THADA: variants seen among roughly 807,000 people sequenced by gnomAD.
THADA encodes the protein tRNA (32-2'-O)-methyltransferase regulator THADA.
Under a neutral mutation model 219.8 loss-of-function variants are expected in THADA, and 213 were observed. The ratio of observed to expected loss-of-function variants is 0.97; its 90% CI spans 0.87 to 1.09. The LOEUF (loss-of-function observed/expected upper bound fraction) is 1.09, where lower values mean the gene tolerates loss of function less well. Ranked by LOEUF, THADA falls within the 50% of genes least tolerant of loss-of-function variation. The pLI, the probability that THADA is intolerant of heterozygous loss-of-function variation, is 0.00. For synonymous variants in THADA, 1,018 were observed against 828.9 expected (o/e 1.23, Z -3.92); for missense variants, 2,956 against 2,311.3 (o/e 1.28, Z -5.72).
Position 43,248,152 on chromosome 2 carries a change from TATATATATATATAGAGAGAGAGAGAGAG to T in THADA, c.5297-15298_5297-15271del, listed in dbSNP as rs1309717927. Among the ~76,000 whole-genome samples the T allele has an allele frequency of 6.3e-4, 56 of 89,422 alleles. 1 individual carries two copies. Among genetic ancestry groups the T allele is most frequent in the African/African-American group, 2.0e-3 (44 of 21,836 alleles). 58.7% of individuals were successfully genotyped at this position (89,422 alleles called of 152,430 possible). A position where few individuals can be genotyped will look rare whatever the true frequency, so the allele number is the denominator to read the frequency against. On this transcript the variant is annotated intron_variant, in intron 36 of 37. Transcript: ENST00000405975. ...AGAAATATATATATATATATATATATATATATATATATAGAGAGAGAGAGAGAGAGAGAGAGAGAGAGAGAGAGAGAGA... is the reference window on the plus strand; with the variant it reads ...AGAAATATATATATATATATATATATAGAGAGAGAGAGAGAGAGAGAGAGA...
intron 25 of THADA, among the ~76,000 whole-genome samples, chr2:43,492,471 A>G (rs751215858): frequency 2.0e-5 from 3 of 152,202 alleles, no homozygotes; most frequent in African/African-American, 7.2e-5. Context: ...AAATATTTGA[A>G]AAGTATGAAT....
At chr2:43,580,347 C>G (rs950819406) in intron 8 of THADA, among the ~76,000 whole-genome samples, 12 of 151,984 alleles carry the variant, frequency 7.9e-5, no homozygotes, top group African/African-American at 2.9e-4. Context: ...CCGAAGTTAC[C>G]TCATATTAAA....
intron 36 of THADA, among the ~76,000 whole-genome samples, chr2:43,246,346 T>C (rs1314728148): frequency 3.3e-5 from 5 of 151,848 alleles, no homozygotes; most frequent in African/African-American, 1.2e-4. Context: ...AATATAAAAA[T>C]TAGCCGGGCA....
At chr2:43,519,269 A>AC (rs1692116133) in intron 22 of THADA, among the ~76,000 whole-genome samples, 1 of 152,138 alleles carries the variant, frequency 6.6e-6, no homozygotes, top group East Asian at 1.9e-4. Context: ...AGCAATAATC[A>AC]ATAAACTTTT....
chr2:43,287,854 T>C (rs1035301816), intron 34 of THADA, among the ~76,000 whole-genome samples: 3 of 152,192 alleles, frequency 2.0e-5, no homozygotes, highest in Non-Finnish European at 4.4e-5. Context: ...GGGATGACAC[T>C]AGAAGTAGTA....
intron 18 of THADA, 105 bp downstream of exon 18, chr2:43,552,099 C>A: frequency 6.6e-7 from 1 of 1,519,612 alleles, no homozygotes; most frequent in African/African-American, 1.4e-5. Context: ...CAATTTTATT[C>A]AAAGCAATAG....
intron 1 of THADA, chr2:43,595,639 C>G (rs1702069248): frequency 6.6e-6 from 1 of 152,390 alleles, no homozygotes; most frequent in Non-Finnish European, 1.5e-5. Context: ...CTCCTAGGTC[C>G]CACTTACTGC....
At chr2:43,466,946 GC>G (rs1684311711) in intron 26 of THADA, among the ~76,000 whole-genome samples, 1 of 151,280 alleles carries the variant, frequency 6.6e-6, no homozygotes, top group South Asian at 2.1e-4. Flanking sequence ...ACTTTGGGAG[GC>G]CGAGGCGGGC....
intron 28 of THADA, 80 bp from the exon 29 acceptor site, chr2:43,398,219 G>C (rs1674344946): frequency 1.4e-6 from 2 of 1,462,780 alleles, no homozygotes; most frequent in African/African-American, 1.4e-5. Context: ...ATTCTATCTA[G>C]CATGGCCTGG....
intron 36 of THADA, among the ~76,000 whole-genome samples, chr2:43,251,995 C>T (rs935192505): frequency 2.0e-5 from 3 of 152,182 alleles, no homozygotes; most frequent in African/African-American, 4.8e-5. Flanking sequence ...GTCCCTGAGT[C>T]TCTGACTTGG....
chr2:43,468,745 T>G (rs1047623828), intron 26 of THADA, among the ~76,000 whole-genome samples: 1 of 152,122 alleles, frequency 6.6e-6, no homozygotes, highest in African/African-American at 2.4e-5. Context: ...AAGAAAGAGA[T>G]GGCATACAGA....
intron 31 of THADA, among the ~76,000 whole-genome samples, chr2:43,299,325 A>G (rs1420842733): frequency 1.3e-5 from 2 of 152,194 alleles, no homozygotes; most frequent in Non-Finnish European, 2.9e-5. Context: ...AAAGAGCTTT[A>G]AGACCAATGG....
chr2:43,472,386 C>T (rs1685004106), intron 26 of THADA, among the ~76,000 whole-genome samples: 1 of 152,218 alleles, frequency 6.6e-6, no homozygotes, highest in South Asian at 2.1e-4. Flanking sequence ...CATTGAAACA[C>T]TACACTTTTG....
intron 10 of THADA, 130 bp downstream of exon 10, chr2:43,576,892 T>C: frequency 1.3e-6 from 1 of 772,758 alleles, no homozygotes; most frequent in African/African-American, 1.7e-5. Flanking sequence ...TGGCCTCAAG[T>C]GATCCTCTTG....
chr2:43,410,920 T>C lies in THADA; in HGVS notation c.4059-12781A>G, dbSNP rs140557562. Among the ~76,000 whole-genome samples the C allele has an allele frequency of 3.4e-3, 515 of 152,308 alleles. 3 individuals carry two copies. Among genetic ancestry groups the C allele is most frequent in the Non-Finnish European group, 4.3e-3 (290 of 68,020 alleles). On this transcript the variant is annotated intron_variant, in intron 28 of 37. Coordinates refer to ENST00000405975, the MANE Select transcript of THADA (RefSeq NM_022065.5). ...TAATCTTTCATATACATTAGAAAAG[T>C]TGTTATACATTCTGTCTTGCTTTCT...
intron 2 of THADA, 95 bp downstream of exon 2, chr2:43,592,222 G>C: frequency 9.4e-7 from 1 of 1,064,228 alleles, no homozygotes; most frequent in Non-Finnish European, 1.4e-6. Flanking sequence ...AAAATATAAA[G>C]AATTTGAATA....
At chr2:43,343,948 A>T in intron 30 of THADA, 174 bp downstream of exon 30, 2 of 516,288 alleles carry the variant, frequency 3.9e-6, no homozygotes, top group East Asian at 6.3e-5. Context: ...AAAATTGTCA[A>T]GAAAATATTT....
chr2:43,275,768 T>C (rs1672663361), intron 36 of THADA, among the ~76,000 whole-genome samples: 1 of 152,262 alleles, frequency 6.6e-6, no homozygotes, highest in Non-Finnish European at 1.5e-5. Context: ...TCTCTTCCTC[T>C]GAAGGCAGCT....
At chr2:43,533,699 A>G (rs1407516660) in intron 21 of THADA, among the ~76,000 whole-genome samples, 1 of 152,212 alleles carries the variant, frequency 6.6e-6, no homozygotes. Flanking sequence ...ATGAGAACAC[A>G]TGGACACAGG....
Sources: allele counts gnomAD v4.1 joint callset (sites outside exome capture counted in the v4.1 genomes callset), GRCh38; gene constraint gnomAD v4.1.1; transcripts MANE v1.5; gene names NCBI Gene and HGNC (gene_info 2026-07-23, HGNC 2026-07-21).